The following IL17RB variants were observed in gnomAD, a reference collection of about 807,000 sequenced individuals.
IL17RB encodes interleukin 17 receptor B.
In IL17RB, 36 loss-of-function variants were observed where a neutral mutation model predicts 43.9. The observed-to-expected ratio is 0.82, with a 90% CI of 0.63 to 1.08. The LOEUF is 1.08. Among genes scored for constraint, IL17RB ranks in the 50% least tolerant of loss-of-function variants. IL17RB has a pLI of 0.00. For synonymous variants in IL17RB, 225 were observed against 225.4 expected, an observed-to-expected ratio of 1.00 and a Z score of 0.02; for missense variants, 613 against 613.6, an observed-to-expected ratio of 1.00 and a Z score of 0.01.
At chr3:53,854,015 G>C (rs1354464733) in intron 5 of IL17RB, among the ~76,000 whole-genome samples, 1 of 152,056 alleles carries the variant, frequency 6.6e-6, no homozygotes, top group African/African-American at 2.4e-5. Flanking sequence ...TCCTGCCTCA[G>C]CCTCCCAAGA....
chr3:53,863,243 TAGG>T (rs952196920), intron 10 of IL17RB, among the ~76,000 whole-genome samples: 2 of 152,192 alleles, frequency 1.3e-5, no homozygotes, highest in Middle Eastern at 3.2e-3. Context: ...TCAAAGGTTA[TAGG>T]AGATTTTCAA....
chr3:53,856,762 T>G, intron 6 of IL17RB, 82 bp from the exon 7 acceptor site: 1 of 1,407,896 alleles, frequency 7.1e-7, no homozygotes, highest in South Asian at 1.2e-5. Context: ...GAACTTGGGT[T>G]TGTTTCCATA....
intron 10 of IL17RB, chr3:53,861,302 T>A (rs1699556533): frequency 6.6e-6 from 1 of 152,080 alleles, no homozygotes; most frequent in Non-Finnish European, 1.5e-5. Context: ...AAAACTTTTT[T>A]TTTTCATTAC....
rs1249097659 is a variant in IL17RB, at chr3:53,864,822, AAT to A, written c.1026_1027del (p.Ile342MetfsTer11). ...AGGTTCTTGTGGTTTACCCATCTGAAATATGTTTCCATCACACAATTTGTTAC... is the reference window on the plus strand; with the variant it reads ...AGGTTCTTGTGGTTTACCCATCTGAAATGTTTCCATCACACAATTTGTTAC... ...IKVLVVYPSEICFHHTICYFT... is the reference protein window; with the variant it reads ...IKVLVVYPSEXCFHHTICYFT... On this transcript the variant is annotated frameshift_variant, in exon 11 of 11. Transcript: ENST00000288167. LOFTEE classifies it low-confidence loss of function (END_TRUNC). 2.5e-6 allele frequency: 4 copies of A among 1,614,152 alleles called. No individual in the cohort carries two copies. The highest frequency in any genetic ancestry group is 3.4e-6 in the Non-Finnish European group (4 of 1,179,976).
Position 53,846,653 on chromosome 3 carries a change from GC to G in IL17RB, c.60+10del. ...AGCGCCGTACCCCGAGAGCCGGTAA[GC>G]CCCCGCCAGCACCTCTTCCCTCATC... On this transcript the variant is annotated splice_donor_region_variant and intron_variant, in intron 1 of 10. Coordinates refer to ENST00000288167, the MANE Select transcript of IL17RB (RefSeq NM_018725.4). The G allele has an allele frequency of 6.3e-7, 1 of 1,587,456 alleles. No individual in the cohort carries two copies. Among genetic ancestry groups the G allele is most frequent in the Non-Finnish European group, 8.5e-7 (1 of 1,170,086 alleles).
Position 53,852,077 on chromosome 3 carries a change from G to A in IL17RB, c.305G>A (p.Cys102Tyr). 1.2e-6 allele frequency: 2 copies of A among 1,614,146 alleles called. No individual in the cohort carries two copies. The highest frequency in any genetic ancestry group is 1.7e-6 in the Non-Finnish European group (2 of 1,180,016). The part of the protein sequence containing the change: ...SNFQSYSCVR[C>Y]NYTEAFQTQT... Reference sequence around the variant, plus strand: ...TTCCAGTCCTACAGCTGTGTGAGGTGCAATTACACAGAGGCCTTCCAGACT... The same window carrying A: ...TTCCAGTCCTACAGCTGTGTGAGGTACAATTACACAGAGGCCTTCCAGACT... Residue 102 changes from cysteine to tyrosine, a missense_variant, in exon 4 of 11, where the codon TGC becomes TAC. By Grantham distance (194) the Cys-to-Tyr change is radical (BLOSUM62 -2). Coordinates refer to ENST00000288167, the MANE Select transcript of IL17RB (RefSeq NM_018725.4).
chr3:53,849,627 G>C lies in IL17RB; in HGVS notation c.86-28G>C, dbSNP rs753552129. 5 of 1,573,464 alleles carry C rather than the reference G, an allele frequency of 3.2e-6. No individual in the cohort carries two copies. The East Asian group carries it at 1.2e-4, about 36-fold the overall frequency. On this transcript the variant is annotated intron_variant, in intron 2 of 10. Transcript: ENST00000288167. ...GCATCAGACTGGGCTGGGAAAGACA[G>C]TGTCATGGAAGTCTTGCTTTTTCCC...
chr3:53,851,245 G>A (rs904462931), intron 3 of IL17RB, among the ~76,000 whole-genome samples: 4 of 152,168 alleles, frequency 2.6e-5, no homozygotes, highest in Admixed American at 2.0e-4. Context: ...ATGAGTGCCA[G>A]GCACAGAGAG....
intron 10 of IL17RB, among the ~76,000 whole-genome samples, chr3:53,862,994 G>A (rs1274876354): frequency 4.6e-5 from 7 of 151,928 alleles, no homozygotes; most frequent in East Asian, 3.8e-4. Flanking sequence ...CCTCTTCCTC[G>A]TCAGCCTACT....
chr3:53,858,225 A>C, intron 8 of IL17RB: 1 of 406,562 alleles, frequency 2.5e-6, no homozygotes, highest in East Asian at 1.3e-4. Flanking sequence ...CCAAAGAGTA[A>C]GGAGCTTCCA....
At chr3:53,850,726 AC>A (rs1192241586) in intron 3 of IL17RB, among the ~76,000 whole-genome samples, 15 of 152,146 alleles carry the variant, frequency 9.9e-5, no homozygotes, top group Non-Finnish European at 1.3e-4. Flanking sequence ...AATAACTTGA[AC>A]CCAGGAGGTG....
chr3:53,859,963 T>C, intron 9 of IL17RB, 167 bp from the exon 10 acceptor site: 14 of 519,798 alleles, frequency 2.7e-5, no homozygotes, highest in East Asian at 6.3e-5. Context: ...TGAACCGAGA[T>C]TGCGCCACTG....
At chr3:53,851,718 A>C (rs1406533005) in intron 3 of IL17RB, among the ~76,000 whole-genome samples, 1 of 152,150 alleles carries the variant, frequency 6.6e-6, no homozygotes, top group Non-Finnish European at 1.5e-5. Flanking sequence ...GCATCCTATG[A>C]AATTCAAGCT....
chr3:53,864,806 T>TAA lies in IL17RB; in HGVS notation c.1007_1008insAA (p.Val337ArgfsTer38). ...CTACTGCCCCCCATTAAGGTTCTTG[T>TAA]GGTTTACCCATCTGAAATATGTTTC... On this transcript the variant is annotated frameshift_variant, in exon 11 of 11. Transcript: ENST00000288167. LOFTEE classifies it low-confidence loss of function (END_TRUNC). 1 of 1,614,122 alleles carries TAA rather than the reference T, an allele frequency of 6.2e-7. No individual in the cohort carries two copies. Among genetic ancestry groups the TAA allele is most frequent in the Non-Finnish European group, 8.5e-7 (1 of 1,180,004 alleles).
In IL17RB at chr3:53,856,914, C is replaced by T; in HGVS notation, c.600C>T (p.Thr200=). 6.2e-7 allele frequency: 1 copy of T among 1,613,950 alleles called. No individual in the cohort carries two copies. Among genetic ancestry groups the T allele is most frequent in the Non-Finnish European group, 8.5e-7 (1 of 1,179,828 alleles). ...AGACAGTAGAAGTGAACTTCACAAC[C>T]ACTCCCCTGGGAAACAGATACATGG... ...NEETVEVNFT[T]TPLGNRYMAL... Residue 200 remains threonine, a synonymous_variant, in exon 7 of 11, where the codon ACC becomes ACT. Transcript: ENST00000288167.
rs765420714 is a variant in IL17RB, at chr3:53,852,942, T to G, written c.426T>G (p.Pro142=). The change falls in exon 5 of 11, where the codon CCT becomes CCG. Residue 142 remains proline (P), a synonymous_variant. Coordinates refer to ENST00000288167, the MANE Select transcript of IL17RB (RefSeq NM_018725.4). ...TVYFIGAHNI[P]NANMNEDGPS... is the part of the protein sequence containing the mutation. ...ATTTCATTGGGGCCCATAATATTCC[T>G]AATGCAAATATGAATGAAGATGGCC... The G allele has an allele frequency of 2.5e-6, 4 of 1,613,436 alleles. No individual in the cohort carries two copies. The Admixed American group carries it at 6.7e-5, about 27-fold the overall frequency.
At chr3:53,861,195 T>A (rs1352136516) in intron 10 of IL17RB, 3 of 152,128 alleles carry the variant, frequency 2.0e-5, no homozygotes, top group Admixed American at 1.3e-4. Context: ...TTTAGTGCAA[T>A]ATCGTAAACC....
At position 53,865,181 on chromosome 3, in the gene IL17RB, G is replaced by C; in HGVS notation, c.1382G>C (p.Ser461Thr). The C allele has an allele frequency of 6.2e-7, 1 of 1,614,142 alleles. No individual in the cohort carries two copies. Reference protein sequence around the residue: ...IDTKDDYNALSVCPKYHLMKD... With the variant: ...IDTKDDYNALTVCPKYHLMKD... ...ACAAAAGACGATTACAATGCTCTCA[G>C]TGTCTGCCCCAAGTACCACCTCATG... The change falls in exon 11 of 11, where the codon AGT becomes ACT. Residue 461 changes from serine (S) to threonine (T), a missense_variant. Physicochemically the swap from Ser to Thr is moderately conservative, Grantham distance 58. Transcript: ENST00000288167.
chr3:53,859,100 C>A (rs2107022032), intron 9 of IL17RB: 2 of 297,820 alleles, frequency 6.7e-6, no homozygotes, highest in East Asian at 6.1e-5. Flanking sequence ...CTGAGTGCCA[C>A]AAGGATCTGC....
Sources: gnomAD v4.1 joint callset for allele counts (sites outside exome capture counted in the v4.1 genomes callset) on GRCh38, gnomAD v4.1.1 for gene constraint, MANE v1.5 for transcripts, NCBI Gene and HGNC (gene_info 2026-07-23, HGNC 2026-07-21) for gene names.